The following DENND1A variants were observed in gnomAD, a reference collection of about 807,000 sequenced individuals.
DENND1A encodes DENN domain-containing protein 1A.
A neutral mutation model predicts 113.7 loss-of-function variants in DENND1A; 51 were observed. The ratio of observed to expected loss-of-function variants is 0.45; its 90% CI spans 0.36 to 0.57. The LOEUF is 0.57. DENND1A is among the 20% of genes least tolerant of loss of function. DENND1A has a pLI of 0.00. For synonymous variants in DENND1A, 565 were observed against 570.8 expected (o/e 0.99, Z 0.14); for missense variants, 1,258 against 1,395.9 (o/e 0.90, Z 1.57).
At chr9:123,727,997 T>C (rs1028751619) in intron 5 of DENND1A, among the ~76,000 whole-genome samples, 2 of 151,718 alleles carry the variant, frequency 1.3e-5, no homozygotes, top group Non-Finnish European at 2.9e-5. Context: ...TCCCAGTTAC[T>C]CGGGAGGCTG....
intron 2 of DENND1A, among the ~76,000 whole-genome samples, chr9:123,792,924 G>A (rs1449107478): frequency 6.6e-6 from 1 of 152,160 alleles, no homozygotes; most frequent in Non-Finnish European, 1.5e-5. Context: ...TATTTTTCCA[G>A]AGAAAATGAG....
chr9:123,514,323 A>AG (rs1171290628), intron 13 of DENND1A, among the ~76,000 whole-genome samples: 1 of 151,636 alleles, frequency 6.6e-6, no homozygotes, highest in Non-Finnish European at 1.5e-5. Context: ...AGCCTGAGGG[A>AG]GATGAGGAGG....
chr9:123,641,436 C>CA (rs34664320), intron 9 of DENND1A, among the ~76,000 whole-genome samples: 4,505 of 113,370 alleles, frequency 0.04, 100 homozygotes, highest in Middle Eastern at 0.064. Context: ...AATGAAATGG[C>CA]AAAAAAAAAA....
intron 16 of DENND1A, among the ~76,000 whole-genome samples, chr9:123,453,762 C>T (rs1336816582): frequency 6.6e-6 from 1 of 152,198 alleles, no homozygotes; most frequent in African/African-American, 2.4e-5. Context: ...TAATTAAAAA[C>T]ATTACAATTT....
At chr9:123,698,074 G>C (rs1024412362) in intron 5 of DENND1A, among the ~76,000 whole-genome samples, 1 of 152,144 alleles carries the variant, frequency 6.6e-6, no homozygotes, top group Non-Finnish European at 1.5e-5. Flanking sequence ...ATATCATACA[G>C]AATAAGCAGA....
intron 10 of DENND1A, among the ~76,000 whole-genome samples, chr9:123,614,053 A>C (rs2060531945): frequency 6.6e-6 from 1 of 152,234 alleles, no homozygotes; most frequent in South Asian, 2.1e-4. Flanking sequence ...TTATTGAGCT[A>C]CTATAATTCA....
chr9:123,843,695 A>C (rs867662939), intron 2 of DENND1A: 25 of 158,836 alleles, frequency 1.6e-4, no homozygotes, highest in African/African-American at 5.5e-4. Context: ...AATTGGAGCA[A>C]AGGGAGAAAA....
chr9:123,861,783 TA>T (rs1264318454), intron 2 of DENND1A, among the ~76,000 whole-genome samples: 1 of 152,196 alleles, frequency 6.6e-6, no homozygotes, highest in Non-Finnish European at 1.5e-5. Context: ...GGTTTTCTTG[TA>T]AAGTCTTGGG....
intron 15 of DENND1A, 79 bp downstream of exon 15, chr9:123,457,269 A>C: frequency 9.1e-7 from 1 of 1,094,572 alleles, no homozygotes; most frequent in Non-Finnish European, 1.4e-6. Flanking sequence ...AGGAAAAGCA[A>C]GTCACTGCCA....
chr9:123,384,029 A>T, intron 22 of DENND1A, 116 bp from the exon 23 acceptor site: 2 of 1,391,614 alleles, frequency 1.4e-6, no homozygotes, highest in Non-Finnish European at 9.7e-7. Context: ...CCTGCGGGAC[A>T]GGAGAGTGTC....
rs1015953010 is a variant in DENND1A at position 123,452,211 on chromosome 9, TAAAG to T, written c.1299+61_1299+64del. ...CCAGTTTCAAAAGTAAGTAAATAAATAAAGAGTCTCATCATGCTAAGGGACTGAT... is the reference window on the plus strand; with the variant it reads ...CCAGTTTCAAAAGTAAGTAAATAAATAGTCTCATCATGCTAAGGGACTGAT... On this transcript the variant is annotated intron_variant, in intron 17 of 23. Transcript: ENST00000394215. 4.2e-6 allele frequency: 6 copies of T among 1,441,208 alleles called. No homozygotes were observed. The African/African-American group carries it at 4.2e-5, about 10-fold the overall frequency. The allele number at this position is 1,441,208 out of a possible 1,614,324, so 89.3% of individuals were successfully genotyped here.
intron 13 of DENND1A, among the ~76,000 whole-genome samples, chr9:123,460,657 C>T (rs1272041346): frequency 6.6e-6 from 1 of 152,248 alleles, no homozygotes; most frequent in Non-Finnish European, 1.5e-5. Context: ...CTCACGCTCA[C>T]CCCCGGCTCT....
chr9:123,553,591 C>T (rs2057253849), intron 13 of DENND1A, among the ~76,000 whole-genome samples: 1 of 152,160 alleles, frequency 6.6e-6, no homozygotes, highest in Admixed American at 6.5e-5. Flanking sequence ...GGATTGCTTT[C>T]TCAGGCATAT....
intron 7 of DENND1A, among the ~76,000 whole-genome samples, chr9:123,669,169 A>G (rs1156354051): frequency 2.6e-5 from 4 of 152,186 alleles, no homozygotes; most frequent in Non-Finnish European, 1.5e-5. Context: ...AGACACACAG[A>G]AATATACTCT....
intron 1 of DENND1A, among the ~76,000 whole-genome samples, chr9:123,889,699 G>T (rs1299638720): frequency 1.3e-5 from 2 of 152,208 alleles, no homozygotes; most frequent in African/African-American, 4.8e-5. Flanking sequence ...GAGGCCGGGC[G>T]TGGTGGCTCA....
At chr9:123,691,119 T>A (rs1235050503) in intron 5 of DENND1A, among the ~76,000 whole-genome samples, 4 of 152,182 alleles carry the variant, frequency 2.6e-5, no homozygotes, top group African/African-American at 7.2e-5. Flanking sequence ...GAAGCTATTT[T>A]TTCCCTGTTA....
intron 5 of DENND1A, among the ~76,000 whole-genome samples, chr9:123,753,882 T>C (rs1427962454): frequency 1.3e-5 from 2 of 152,194 alleles, no homozygotes; most frequent in Non-Finnish European, 2.9e-5. Context: ...CAGAGGTGCC[T>C]AGGCTGAGTC....
chr9:123,605,305 G>A (rs996118698), intron 11 of DENND1A, among the ~76,000 whole-genome samples: 12 of 152,262 alleles, frequency 7.9e-5, no homozygotes, highest in African/African-American at 2.4e-4. Flanking sequence ...GAGGCTTGAG[G>A]AGGAAGGTCT....
rs769155971 is a variant in DENND1A at position 123,607,458 on chromosome 9, T to TAG, written c.765+1976_765+1977dup. 3.5e-3 allele frequency among the ~76,000 whole-genome samples: 354 copies of TAG among 102,014 alleles called. 1 individual carries two copies. Among genetic ancestry groups the TAG allele is most frequent in the African/African-American group, 8.1e-3 (215 of 26,526 alleles). 66.9% of individuals were successfully genotyped at this position (102,014 alleles called of 152,430 possible). On this transcript the variant is annotated intron_variant, in intron 11 of 23. Coordinates refer to ENST00000394215, the MANE Select transcript of DENND1A (RefSeq NM_001352964.2). ...ACAGTGGAAGGGGAGTGGAGTGGCT[T>TAG]AGAGAGAGAGAGAGAGACACAGAGA...
Sources: gnomAD v4.1 joint callset for allele counts (sites outside exome capture counted in the v4.1 genomes callset) on GRCh38, gnomAD v4.1.1 for gene constraint, MANE v1.5 for transcripts, NCBI Gene and HGNC (gene_info 2026-07-23, HGNC 2026-07-21) for gene names.